FAM210B: variants seen among roughly 807,000 people sequenced by gnomAD.
FAM210B encodes the protein family with sequence similarity 210 member B.
In FAM210B, 11 loss-of-function variants were observed where a neutral mutation model predicts 14.9. That is an observed-to-expected ratio of 0.74 (90% CI 0.46 to 1.22). The LOEUF (loss-of-function observed/expected upper bound fraction) is 1.22, where lower values mean the gene tolerates loss of function less well. Ranked by LOEUF, FAM210B falls within the 50% of genes most tolerant of loss-of-function variation. The pLI is 0.00. For synonymous variants in FAM210B, 113 were observed against 110.2 expected (o/e 1.03, Z -0.16); for missense variants, 229 against 250.1 (o/e 0.92, Z 0.57).
intron 1 of FAM210B, chr20:56,360,857 A>G (rs1416231070): frequency 6.5e-6 from 1 of 152,886 alleles, no homozygotes; most frequent in Non-Finnish European, 1.5e-5. Context: ...GGAGCAGTGC[A>G]GGGAGGGTCT....
At position 56,363,058 on chromosome 20, in the gene FAM210B, G is replaced by T. The variant is rs1259603106; in HGVS notation, c.187-2029G>T. 6.6e-6 allele frequency among the ~76,000 whole-genome samples: 1 copy of T among 152,260 alleles called. No homozygotes were observed. Among genetic ancestry groups the T allele is most frequent in the Non-Finnish European group, 1.5e-5 (1 of 68,038 alleles). On this transcript the variant is annotated intron_variant, in intron 1 of 2. Coordinates refer to ENST00000371384, the MANE Select transcript of FAM210B (RefSeq NM_080821.3). The surrounding 1 kb of genome is among the most constrained non-coding windows in gnomAD (Gnocchi z 4.1). ...ATCCTGGCCGGGGGTGGCAGGACTA[G>T]TCAGAAGGCTTCAAGGAAACGGGAG...
rs1983550725 is a variant in FAM210B, at chr20:56,362,352, C to G, written c.187-2735C>G. On this transcript the variant is annotated intron_variant, in intron 1 of 2. Transcript: ENST00000371384. This position sits in a 1 kb window ranked among gnomAD's most constrained non-coding sequence, Gnocchi z 4.8. Reference sequence around the variant, plus strand: ...ACACACACACTGTCTCACACACACTCTCACACACATGTGCATGCATGCTGA... The same window carrying G: ...ACACACACACTGTCTCACACACACTGTCACACACATGTGCATGCATGCTGA... 6.6e-6 allele frequency among the ~76,000 whole-genome samples: 1 copy of G among 152,176 alleles called. No homozygotes were observed.
At chr20:56,365,492 C>T (rs995265725) in intron 2 of FAM210B, among the ~76,000 whole-genome samples, 1 of 151,684 alleles carries the variant, frequency 6.6e-6, no homozygotes, top group African/African-American at 2.4e-5. Context: ...TGCACCACTG[C>T]ACCCAGCTGA....
rs1246782523 is a variant in FAM210B, at chr20:56,359,495, G to GGTCT, written c.186+306_186+309dup. Among the ~76,000 whole-genome samples, 8 of 152,230 alleles carry GGTCT rather than the reference G, an allele frequency of 5.3e-5. No individual in the cohort carries two copies. The highest frequency in any genetic ancestry group is 1.7e-4 in the African/African-American group (7 of 41,472). On this transcript the variant is annotated intron_variant, in intron 1 of 2. Transcript: ENST00000371384. The surrounding 1 kb of genome is among the most constrained non-coding windows in gnomAD (Gnocchi z 4.3). ...AGGCTGGGGCGCAGCCGACTGACTT[G>GGTCT]GTCTGAACTTCCACACGTTGCCTGC...
intron 1 of FAM210B, among the ~76,000 whole-genome samples, chr20:56,364,718 G>C (rs1180717055): frequency 1.3e-5 from 2 of 152,058 alleles, no homozygotes; most frequent in Non-Finnish European, 2.9e-5. Flanking sequence ...ACTTTGGGAG[G>C]CCAAGGCGGG....
At chr20:56,361,133 C>T (rs1983523318) in intron 1 of FAM210B, among the ~76,000 whole-genome samples, 1 of 152,204 alleles carries the variant, frequency 6.6e-6, no homozygotes, top group Non-Finnish European at 1.5e-5. Context: ...CCACTTATTC[C>T]TTCCAGGGAC....
At chr20:56,365,029 C>G in intron 1 of FAM210B, 58 bp from the exon 2 acceptor site, 1 of 1,526,204 alleles carries the variant, frequency 6.6e-7, no homozygotes. Context: ...GTATAAAAGC[C>G]GGTAATGACT....
chr20:56,360,435 C>T (rs1459711874), intron 1 of FAM210B: 1 of 347,098 alleles, frequency 2.9e-6, no homozygotes, highest in East Asian at 7.6e-5. Flanking sequence ...GTCCCCAGCT[C>T]AGGCCCTGGC....
chr20:56,363,424 C>T lies in FAM210B; in HGVS notation c.187-1663C>T, dbSNP rs1013434465. The stretch of plus-strand genomic sequence containing the variant: ...TGGCTCAGCAGAAGGGACCTGTCAT[C>T]GGGACACTGAGGGTTTTCCTCAAAT... On this transcript the variant is annotated intron_variant, in intron 1 of 2. Transcript: ENST00000371384. This position sits in a 1 kb window ranked among gnomAD's most constrained non-coding sequence, Gnocchi z 4.1. 8.5e-5 allele frequency among the ~76,000 whole-genome samples: 13 copies of T among 152,170 alleles called. No homozygotes were observed. Among genetic ancestry groups the T allele is most frequent in the Non-Finnish European group, 1.5e-4 (10 of 68,022 alleles).
intron 1 of FAM210B, 64 bp from the exon 2 acceptor site, chr20:56,365,023 A>G (rs1983601164): frequency 6.7e-7 from 1 of 1,501,882 alleles, no homozygotes; most frequent in South Asian, 1.3e-5. Flanking sequence ...ATGCGTGTAT[A>G]AAAGCCGGTA....
intron 1 of FAM210B, among the ~76,000 whole-genome samples, chr20:56,361,298 T>A (rs1040819918): frequency 6.6e-6 from 1 of 152,152 alleles, no homozygotes; most frequent in Non-Finnish European, 1.5e-5. Context: ...CCCATTGGTG[T>A]TTCTCTATGG....
chr20:56,364,988 C>A, intron 1 of FAM210B, 99 bp from the exon 2 acceptor site: 2 of 1,159,234 alleles, frequency 1.7e-6, no homozygotes, highest in Non-Finnish European at 2.4e-6. Flanking sequence ...GATCTCTCAT[C>A]CAGCAGGAAA....
intron 1 of FAM210B, chr20:56,360,620 G>T (rs1333347423): frequency 5.2e-6 from 1 of 190,590 alleles, no homozygotes; most frequent in East Asian, 1.3e-4. Context: ...AATGTAAAAT[G>T]AGATATGTTC....
chr20:56,365,922 G>C (rs1228436099), intron 2 of FAM210B, 149 bp from the exon 3 acceptor site: 2 of 542,606 alleles, frequency 3.7e-6, no homozygotes, highest in African/African-American at 5.2e-5. Context: ...AGGATTACAG[G>C]CGTGAGCCAC....
In FAM210B at chr20:56,359,208, G is replaced by T; in HGVS notation, c.186+17G>T. 8.2e-7 allele frequency: 1 copy of T among 1,226,356 alleles called. No individual in the cohort carries two copies. Among genetic ancestry groups the T allele is most frequent in the South Asian group, 4.1e-5 (1 of 24,486 alleles). The allele number at this position is 1,226,356 out of a possible 1,614,324, so 76.0% of individuals were successfully genotyped here. A position where few individuals can be genotyped will look rare whatever the true frequency, so the allele number is the denominator to read the frequency against. ...GGCCACCAGGTAAGCACCCCACCCC[G>T]ACCCTGATCCCGGGCGGTGTCCAGG... is the stretch of plus-strand genomic sequence containing the variant. On this transcript the variant is annotated intron_variant, in intron 1 of 2. Coordinates refer to ENST00000371384, the MANE Select transcript of FAM210B (RefSeq NM_080821.3). This position sits in a 1 kb window ranked among gnomAD's most constrained non-coding sequence, Gnocchi z 4.3.
At position 56,365,122 on chromosome 20, in the gene FAM210B, C is replaced by T. The variant is rs538728588; in HGVS notation, c.222C>T (p.Ser74=). Residue 74 remains serine (S), a synonymous_variant, in exon 2 of 3, where the codon AGC becomes AGT. Coordinates refer to ENST00000371384, the MANE Select transcript of FAM210B (RefSeq NM_080821.3). ...AGGCCACGGGGACAACAGGCAGCAG[C>T]GTCAGCTGCACAGAGGAGAAAAAGC... is the stretch of plus-strand genomic sequence containing the variant. The part of the protein sequence containing the change: ...PSQATGTTGS[S]VSCTEEKKQS... 6.3e-5 allele frequency: 102 copies of T among 1,613,782 alleles called. No homozygotes were observed. The East Asian group carries it at 2.0e-3, about 31-fold the overall frequency.
chr20:56,367,839 G>A lies in FAM210B; in HGVS notation c.*1552G>A, dbSNP rs1983676295. Reference sequence around the variant, plus strand: ...CAGTCTGCCCTGTCACGTAGTTGAAGGAGTTGCATTTATCTTTCTGGCTCC... The same window carrying A: ...CAGTCTGCCCTGTCACGTAGTTGAAAGAGTTGCATTTATCTTTCTGGCTCC... On this transcript the variant is annotated 3_prime_UTR_variant, in exon 3 of 3. Transcript: ENST00000371384. The A allele has an allele frequency of 6.6e-6, 1 of 152,212 alleles. No homozygotes were observed. Among genetic ancestry groups the A allele is most frequent in the Non-Finnish European group, 1.5e-5 (1 of 68,040 alleles). The allele number at this position is 152,212 out of a possible 1,614,324, so 9.4% of individuals were successfully genotyped here.
At chr20:56,365,582 T>A (rs369964104) in intron 2 of FAM210B, among the ~76,000 whole-genome samples, 3 of 152,148 alleles carry the variant, frequency 2.0e-5, no homozygotes, top group Admixed American at 6.5e-5. Context: ...CTCGGCTCAC[T>A]GCAAGCTCTG....
rs1983560147 is a variant in FAM210B at position 56,362,891 on chromosome 20, A to G, written c.187-2196A>G. On this transcript the variant is annotated intron_variant, in intron 1 of 2. Transcript: ENST00000371384. The surrounding 1 kb of genome is among the most constrained non-coding windows in gnomAD (Gnocchi z 4.8). The stretch of plus-strand genomic sequence containing the variant: ...CAGAATGGGGCCAGGTGTCAAGGGC[A>G]TGGGTGTTTGGCCCTGCGAGGGGCT... 6.6e-6 allele frequency among the ~76,000 whole-genome samples: 1 copy of G among 152,208 alleles called. No individual in the cohort carries two copies. Among genetic ancestry groups the G allele is most frequent in the African/African-American group, 2.4e-5 (1 of 41,468 alleles).
Sources: allele counts gnomAD v4.1 joint callset (sites outside exome capture counted in the v4.1 genomes callset), GRCh38; gene constraint gnomAD v4.1.1; non-coding constraint Gnocchi (gnomAD v3.1); transcripts MANE v1.5; gene names NCBI Gene and HGNC (gene_info 2026-07-23, HGNC 2026-07-21).